The following CGNL1 variants were observed in gnomAD, a reference collection of about 807,000 sequenced individuals.
CGNL1 encodes cingulin-like protein 1.
In CGNL1, 132 loss-of-function variants were observed where a neutral mutation model predicts 141.2. That is an observed-to-expected ratio of 0.93 (90% confidence interval 0.81 to 1.08). The LOEUF (loss-of-function observed/expected upper bound fraction) is 1.08, where lower values mean the gene tolerates loss of function less well. Ranked by LOEUF, CGNL1 falls within the 50% of genes least tolerant of loss-of-function variation. The probability of loss-of-function intolerance (pLI) is 0.00; values close to 1 mark genes in which losing one functional copy is unlikely to be tolerated. For synonymous variants in CGNL1, 690 were observed against 622.1 expected, an observed-to-expected ratio of 1.11 and a Z score of -1.63; for missense variants, 1,870 against 1,588.6, an observed-to-expected ratio of 1.18 and a Z score of -3.01.
At chr15:57,484,318 T>G (rs1595752934) in intron 8 of CGNL1, among the ~76,000 whole-genome samples, 1 of 152,220 alleles carries the variant, frequency 6.6e-6, no homozygotes, top group Admixed American at 6.5e-5. Flanking sequence ...ATATTTAATA[T>G]CGCATAAGTT....
intron 12 of CGNL1, among the ~76,000 whole-genome samples, chr15:57,525,895 A>G (rs2031581686): frequency 6.6e-6 from 1 of 152,146 alleles, no homozygotes; most frequent in South Asian, 2.1e-4. Flanking sequence ...TATTAAAAAA[A>G]AAAAAATCAC....
In CGNL1 at chr15:57,547,956, T is replaced by G. The variant is rs1341181601; in HGVS notation, c.*466T>G. On this transcript the variant is annotated 3_prime_UTR_variant, in exon 19 of 19. Transcript: ENST00000281282. ...TTGGGTTTGGAATGTGATGGAGGCTTGGTAGGGTGGCTGGTTTGTAAAGTT... is the reference window on the plus strand; with the variant it reads ...TTGGGTTTGGAATGTGATGGAGGCTGGGTAGGGTGGCTGGTTTGTAAAGTT... 6.5e-6 allele frequency: 1 copy of G among 153,964 alleles called. No homozygotes were observed. Among genetic ancestry groups the G allele is most frequent in the Non-Finnish European group, 1.4e-5 (1 of 69,450 alleles). 9.5% of individuals were successfully genotyped at this position (153,964 alleles called of 1,614,324 possible).
chr15:57,494,132 C>T (rs548880535), intron 8 of CGNL1, among the ~76,000 whole-genome samples: 1 of 152,328 alleles, frequency 6.6e-6, no homozygotes, highest in African/African-American at 2.4e-5. Context: ...GATGTAGGCT[C>T]CAAAGACCGT....
intron 12 of CGNL1, 62 bp from the exon 13 acceptor site, chr15:57,528,592 T>C: frequency 6.4e-7 from 1 of 1,563,924 alleles, no homozygotes; most frequent in Non-Finnish European, 8.8e-7. Context: ...GTGCACTGTC[T>C]GTGGAGGTCT....
At chr15:57,414,921 G>T (rs1046164079) in intron 1 of CGNL1, among the ~76,000 whole-genome samples, 1 of 152,168 alleles carries the variant, frequency 6.6e-6, no homozygotes, top group Non-Finnish European at 1.5e-5. Context: ...ACAGGCTTTG[G>T]GGGTGAGAGA....
chr15:57,543,702 C>A lies in CGNL1; in HGVS notation c.3298C>A (p.Gln1100Lys). The change falls in exon 15 of 19, where the codon CAG becomes AAG. Residue 1100 changes from glutamine to lysine, a missense_variant. By Grantham distance (53) the Gln-to-Lys change is moderately conservative. Coordinates refer to ENST00000281282, the MANE Select transcript of CGNL1 (RefSeq NM_032866.5). ...TTTGTTCTGCTTGCTGTAGATGGAG[C>A]AGTTGAGGAATGAGCTACTTCAGGA... ...RISRSREQME[Q>K]LRNELLQERA... The A allele has an allele frequency of 6.2e-7, 1 of 1,613,166 alleles. No homozygotes were observed. The highest frequency in any genetic ancestry group is 8.5e-7 in the Non-Finnish European group (1 of 1,179,220).
At chr15:57,394,968 T>G (rs1251112856) in intron 1 of CGNL1, among the ~76,000 whole-genome samples, 36 of 152,250 alleles carry the variant, frequency 2.4e-4, no homozygotes, top group African/African-American at 8.7e-4. Flanking sequence ...AAAAATTAGC[T>G]GTGCATGGTG....
At chr15:57,447,930 A>G (rs1302177853) in intron 4 of CGNL1, among the ~76,000 whole-genome samples, 2 of 151,882 alleles carry the variant, frequency 1.3e-5, no homozygotes, top group African/African-American at 4.8e-5. Flanking sequence ...GGCTACGTCA[A>G]TCTTACTTTA....
At chr15:57,453,997 AAT>A (rs1174290808) in intron 7 of CGNL1, among the ~76,000 whole-genome samples, 179 bp downstream of exon 7, 1 of 152,138 alleles carries the variant, frequency 6.6e-6, no homozygotes, top group Non-Finnish European at 1.5e-5. Context: ...GGCATTTGCT[AAT>A]TATTATGGGT....
Position 57,516,827 on chromosome 15 carries a change from G to C in CGNL1, c.2451G>C (p.Gln817His), listed in dbSNP as rs762267528. The C allele has an allele frequency of 6.2e-7, 1 of 1,614,216 alleles. No individual in the cohort carries two copies. The highest frequency in any genetic ancestry group is 1.7e-5 in the Admixed American group (1 of 60,032). ...GGAGCAACACTTCAGAGCAAGACCA[G>C]GCGGGGACTGAAATGCGCGTGAAGC... Reference protein sequence around the residue: ...ASRSNTSEQDQAGTEMRVKLL... With the variant: ...ASRSNTSEQDHAGTEMRVKLL... Residue 817 changes from glutamine (Q) to histidine (H), a missense_variant, in exon 9 of 19, where the codon CAG becomes CAC. Transcript: ENST00000281282.
intron 1 of CGNL1, among the ~76,000 whole-genome samples, chr15:57,391,973 T>TCC (rs5812892): frequency 0.012 from 1,798 of 149,570 alleles, 39 homozygotes; most frequent in East Asian, 0.074. Flanking sequence ...CATTTTTCTT[T>TCC]CCCCCCCCTC....
At position 57,428,357 on chromosome 15, in the gene CGNL1, C is replaced by T. The variant is rs139397252; in HGVS notation, c.-15-9628C>T. Among the ~76,000 whole-genome samples the T allele has an allele frequency of 7.4e-4, 112 of 152,268 alleles. 1 individual carries two copies. The highest frequency in any genetic ancestry group is 2.6e-3 in the African/African-American group (110 of 41,554). ...TGCTGCCCCTGGCCCAGGTGTAAGGCCTCAGAGGAAATTACCTGCCAGAGT... is the reference window on the plus strand; with the variant it reads ...TGCTGCCCCTGGCCCAGGTGTAAGGTCTCAGAGGAAATTACCTGCCAGAGT... On this transcript the variant is annotated intron_variant, in intron 1 of 18. Transcript: ENST00000281282.
At chr15:57,486,203 T>C (rs1315262635) in intron 8 of CGNL1, among the ~76,000 whole-genome samples, 2 of 152,198 alleles carry the variant, frequency 1.3e-5, no homozygotes, top group Non-Finnish European at 2.9e-5. Context: ...GATCAGCTAA[T>C]AGATGTGGTC....
chr15:57,470,391 C>T (rs1431103518), intron 8 of CGNL1, among the ~76,000 whole-genome samples: 1 of 151,282 alleles, frequency 6.6e-6, no homozygotes, highest in Non-Finnish European at 1.5e-5. Flanking sequence ...TTGAACCCAT[C>T]ACAGGCCCAG....
At chr15:57,501,680 A>T (rs2064027074) in intron 8 of CGNL1, among the ~76,000 whole-genome samples, 2 of 152,094 alleles carry the variant, frequency 1.3e-5, no homozygotes, top group African/African-American at 4.8e-5. Flanking sequence ...AGCAAAAGGG[A>T]TGGGGTTGGG....
intron 1 of CGNL1, among the ~76,000 whole-genome samples, chr15:57,397,786 CTT>C (rs11386688): frequency 1.4e-5 from 2 of 147,380 alleles, no homozygotes; most frequent in African/African-American, 5.0e-5. Flanking sequence ...TAAATTTCCT[CTT>C]TTTTTTTTTT....
chr15:57,435,407 G>GGTTTTTTTTTTTTTTTTTTTT (rs1291475942), intron 1 of CGNL1, among the ~76,000 whole-genome samples: 1 of 96,864 alleles, frequency 1.0e-5, no homozygotes. Context: ...AAATTTGCAG[G>GGTTTTTTTTTTTTTTTTTTTT]TTTTTTTGTT....
chr15:57,382,779 G>T (rs1314399516), intron 1 of CGNL1, among the ~76,000 whole-genome samples: 1 of 152,152 alleles, frequency 6.6e-6, no homozygotes, highest in Non-Finnish European at 1.5e-5. Context: ...ATCCTGTGAT[G>T]GGAGTGTTGT....
At chr15:57,433,583 C>T (rs1466177222) in intron 1 of CGNL1, among the ~76,000 whole-genome samples, 2 of 152,112 alleles carry the variant, frequency 1.3e-5, no homozygotes, top group Non-Finnish European at 2.9e-5. Context: ...GGCATTGTTA[C>T]CATAGTAGGC....
Sources: allele counts gnomAD v4.1 joint callset (sites outside exome capture counted in the v4.1 genomes callset), GRCh38; gene constraint gnomAD v4.1.1; transcripts MANE v1.5; gene names NCBI Gene and HGNC (gene_info 2026-07-23, HGNC 2026-07-21).